The following CDH12 variants were observed in gnomAD, a reference collection of about 807,000 sequenced individuals.
CDH12 encodes cadherin-12.
Under a neutral mutation model 74.1 loss-of-function variants are expected in CDH12, and 41 were observed. That is an observed-to-expected ratio of 0.55 (90% CI 0.43 to 0.72). CDH12 has a LOEUF of 0.72. Ranked by LOEUF, CDH12 falls within the 30% of genes least tolerant of loss-of-function variation. The pLI, the probability that CDH12 is intolerant of heterozygous loss-of-function variation, is 0.00. For synonymous variants in CDH12, 399 were observed against 355.0 expected, an observed-to-expected ratio of 1.12 and a Z score of -1.39; for missense variants, 945 against 977.2, an observed-to-expected ratio of 0.97 and a Z score of 0.44.
intron 4 of CDH12, among the ~76,000 whole-genome samples, chr5:22,204,212 G>C (rs1222116467): frequency 1.4e-5 from 2 of 146,800 alleles, no homozygotes; most frequent in Non-Finnish European, 1.5e-5. Flanking sequence ...TCCCTCTGTC[G>C]CCCAGGCTGG....
intron 2 of CDH12, among the ~76,000 whole-genome samples, chr5:22,469,003 G>A (rs553425398): frequency 2.7e-4 from 41 of 152,228 alleles, no homozygotes; most frequent in Middle Eastern, 6.8e-3. Context: ...CTTACTTGAG[G>A]ATTAGGGTTA....
At chr5:22,485,466 T>C (rs1330352190) in intron 2 of CDH12, among the ~76,000 whole-genome samples, 1 of 152,228 alleles carries the variant, frequency 6.6e-6, no homozygotes, top group Non-Finnish European at 1.5e-5. Context: ...GCAGGGATTA[T>C]AGGAATGGAC....
At chr5:21,857,665 A>T (rs1379261197) in intron 6 of CDH12, among the ~76,000 whole-genome samples, 1 of 151,892 alleles carries the variant, frequency 6.6e-6, no homozygotes, top group Non-Finnish European at 1.5e-5. Context: ...AGGCATCAGG[A>T]GATGCCCACA....
chr5:22,546,697 A>G (rs1197586523), intron 1 of CDH12, among the ~76,000 whole-genome samples: 1 of 152,182 alleles, frequency 6.6e-6, no homozygotes, highest in African/African-American at 2.4e-5. Context: ...CATAGTAAGG[A>G]AAGAAGAATG....
At chr5:22,094,247 C>T (rs1580239137) in intron 4 of CDH12, among the ~76,000 whole-genome samples, 1 of 152,114 alleles carries the variant, frequency 6.6e-6, no homozygotes, top group African/African-American at 2.4e-5. Context: ...AGCTTATTTT[C>T]TAGACTAAGC....
intron 6 of CDH12, chr5:21,889,918 T>G (rs1443864986): frequency 1.1e-6 from 1 of 876,560 alleles, no homozygotes; most frequent in African/African-American, 1.8e-5. Flanking sequence ...TGTTTGACTT[T>G]TATTGCTTAC....
At chr5:22,631,723 T>TGCTTCTGGCATTC (rs1291888559) in intron 1 of CDH12, among the ~76,000 whole-genome samples, 1 of 152,194 alleles carries the variant, frequency 6.6e-6, no homozygotes, top group African/African-American at 2.4e-5. Context: ...TTCTGGCATC[T>TGCTTCTGGCATTC]GCTTCTGGCA....
chr5:22,594,947 C>A (rs1166375795), intron 1 of CDH12, among the ~76,000 whole-genome samples: 1 of 152,110 alleles, frequency 6.6e-6, no homozygotes, highest in Non-Finnish European at 1.5e-5. Context: ...ACACTCGGCA[C>A]AGTTTTCAGT....
intron 12 of CDH12, among the ~76,000 whole-genome samples, chr5:21,761,112 A>G (rs1260665762): frequency 6.6e-6 from 1 of 152,130 alleles, no homozygotes; most frequent in East Asian, 1.9e-4. Flanking sequence ...CAATGGCTCT[A>G]TTTTCATAAA....
chr5:22,534,792 T>G, intron 1 of CDH12, among the ~76,000 whole-genome samples: 1 of 145,746 alleles, frequency 6.9e-6, no homozygotes, highest in African/African-American at 2.5e-5. Context: ...AGATTCAAAG[T>G]TTTGAGATTT....
At chr5:22,832,810 T>C (rs1345332927) in intron 1 of CDH12, among the ~76,000 whole-genome samples, 1 of 152,160 alleles carries the variant, frequency 6.6e-6, no homozygotes, top group Non-Finnish European at 1.5e-5. Context: ...AACAAATATC[T>C]TTGATACAAA....
At chr5:22,623,562 C>T (rs1738100028) in intron 1 of CDH12, among the ~76,000 whole-genome samples, 1 of 152,148 alleles carries the variant, frequency 6.6e-6, no homozygotes, top group South Asian at 2.1e-4. Context: ...CTCCCATTCA[C>T]AATTGCTTCA....
chr5:22,097,082 T>A (rs1271164225), intron 4 of CDH12, among the ~76,000 whole-genome samples: 1 of 152,130 alleles, frequency 6.6e-6, no homozygotes, highest in Non-Finnish European at 1.5e-5. Flanking sequence ...CTGCCAGAGT[T>A]TCCTCCAGAA....
chr5:22,791,601 C>T (rs2126384601), intron 1 of CDH12, among the ~76,000 whole-genome samples: 1 of 152,312 alleles, frequency 6.6e-6, no homozygotes, highest in Admixed American at 6.5e-5. Context: ...TGTTCTCACA[C>T]TGCTATAAAG....
chr5:22,777,494 G>T (rs571460493), intron 1 of CDH12, among the ~76,000 whole-genome samples: 14 of 152,148 alleles, frequency 9.2e-5, no homozygotes, highest in Admixed American at 9.2e-4. Flanking sequence ...TTATGGGATA[G>T]ATGTGTACTA....
chr5:21,854,074 C>T (rs974858460), intron 7 of CDH12, among the ~76,000 whole-genome samples: 68 of 151,726 alleles, frequency 4.5e-4, no homozygotes, highest in African/African-American at 1.6e-3. Context: ...CATGCATAGC[C>T]TCCTGCCCTT....
At chr5:22,460,436 C>T (rs959979040) in intron 2 of CDH12, among the ~76,000 whole-genome samples, 6 of 152,010 alleles carry the variant, frequency 3.9e-5, no homozygotes, top group Non-Finnish European at 7.3e-5. Context: ...TCTGTTTTCT[C>T]GGAAAGGCAA....
intron 1 of CDH12, among the ~76,000 whole-genome samples, chr5:22,803,519 T>A (rs1011230092): frequency 2.6e-5 from 4 of 152,258 alleles, no homozygotes; most frequent in African/African-American, 9.6e-5. Flanking sequence ...AGACTCCAAG[T>A]TTTTGGTGCT....
At chr5:22,503,583 A>T (rs1172188217) in intron 2 of CDH12, among the ~76,000 whole-genome samples, 1 of 152,158 alleles carries the variant, frequency 6.6e-6, no homozygotes, top group East Asian at 1.9e-4. Context: ...CCTCAAATGC[A>T]TTCTGCATCA....
Sources: gnomAD v4.1 joint callset for allele counts (sites outside exome capture counted in the v4.1 genomes callset) on GRCh38, gnomAD v4.1.1 for gene constraint, MANE v1.5 for transcripts, NCBI Gene and HGNC (gene_info 2026-07-23, HGNC 2026-07-21) for gene names.